Variants in ADGRV1 observed in about 807,000 individuals in gnomAD.
The protein encoded by ADGRV1 is adhesion G protein-coupled receptor V1.
In ADGRV1, 359 loss-of-function variants were observed where a neutral mutation model predicts 596.2. That is an observed-to-expected ratio of 0.60 (90% CI 0.55 to 0.66). The LOEUF is 0.66. Among genes scored for constraint, ADGRV1 ranks in the 30% least tolerant of loss-of-function variants. The pLI is 0.00. For synonymous variants in ADGRV1, 2,681 were observed against 2,679.2 expected, an observed-to-expected ratio of 1.00 and a Z score of -0.02; for missense variants, 7,274 against 7,575.6, an observed-to-expected ratio of 0.96 and a Z score of 1.48.
chr5:90,926,241 G>A (rs1003931044), intron 83 of ADGRV1, among the ~76,000 whole-genome samples: 193 of 152,156 alleles, frequency 1.3e-3, no homozygotes, highest in African/African-American at 4.5e-3. Flanking sequence ...GGTAGAATTC[G>A]TCTGTGAATC....
At chr5:90,763,660 A>T (rs952743820) in intron 59 of ADGRV1, among the ~76,000 whole-genome samples, 191 bp downstream of exon 59, 1 of 152,142 alleles carries the variant, frequency 6.6e-6, no homozygotes, top group Non-Finnish European at 1.5e-5. Context: ...GTAGTTTTTC[A>T]ACCCACACCC....
In ADGRV1 at chr5:90,811,193, A is replaced by G. The variant is rs1201849543; in HGVS notation, c.15933A>G (p.Lys5311=). 4 of 1,613,548 alleles carry G rather than the reference A, an allele frequency of 2.5e-6. No individual in the cohort carries two copies. Among genetic ancestry groups the G allele is most frequent in the Non-Finnish European group, 3.4e-6 (4 of 1,179,720 alleles). ...LIFLDGERER[K]VSVQILDDDE... Reference sequence around the variant, plus strand: ...TCCTAGATGGAGAAAGAGAACGTAAAGTATCAGTTCAAATTTTGGATGATG... The same window carrying G: ...TCCTAGATGGAGAAAGAGAACGTAAGGTATCAGTTCAAATTTTGGATGATG... The change falls in exon 74 of 90, where the codon AAA becomes AAG. Residue 5311 remains lysine (K), a synonymous_variant. Transcript: ENST00000405460.
chr5:90,828,986 G>A lies in ADGRV1; in HGVS notation c.16411G>A (p.Ala5471Thr), dbSNP rs767923665. The A allele has an allele frequency of 4.4e-6, 7 of 1,604,470 alleles. No individual in the cohort carries two copies. The highest frequency in any genetic ancestry group is 4.3e-6 in the Non-Finnish European group (5 of 1,174,080). Residue 5471 changes from alanine to threonine, a missense_variant, in exon 77 of 90, where the codon GCT (alanine) becomes ACT (threonine). By Grantham distance (58) the Ala-to-Thr change is moderately conservative (BLOSUM62 0). Around this residue, in one of 5 missense-constraint regions of ADGRV1, gnomAD observed 1,874 missense variants for 1,970.2 expected, o/e 0.95. Transcript: ENST00000405460. ...EVYFFVELYE[A>T]TAGAAINNSA... ...GTATTTTTTTGTGGAACTATATGAA[G>A]CTACTGCTGGAGCAGCAATAAACAA...
At chr5:90,694,922 A>G (rs2149647077) in intron 33 of ADGRV1, among the ~76,000 whole-genome samples, 1 of 152,340 alleles carries the variant, frequency 6.6e-6, no homozygotes, top group Middle Eastern at 3.4e-3. Flanking sequence ...AGTTTAAAAA[A>G]TAGATTTTCC....
chr5:90,701,303 A>G (rs1282447779), intron 34 of ADGRV1, among the ~76,000 whole-genome samples: 1 of 151,990 alleles, frequency 6.6e-6, no homozygotes, highest in Admixed American at 6.6e-5. Context: ...CTTATTTTTA[A>G]GTTTTTCATT....
intron 83 of ADGRV1, among the ~76,000 whole-genome samples, chr5:90,901,467 C>T (rs1771833986): frequency 6.6e-6 from 1 of 152,130 alleles, no homozygotes; most frequent in Non-Finnish European, 1.5e-5. Context: ...GCCCCTAAAC[C>T]TTTGTACCCA....
intron 4 of ADGRV1, among the ~76,000 whole-genome samples, chr5:90,619,577 A>T (rs182990045): frequency 6.6e-6 from 1 of 152,230 alleles, no homozygotes. Flanking sequence ...GAGAAAGCAT[A>T]TTGAAAGAAT....
chr5:90,985,608 C>T, intron 85 of ADGRV1, 86 bp downstream of exon 85: 1 of 939,030 alleles, frequency 1.1e-6, no homozygotes, highest in Non-Finnish European at 1.7e-6. Context: ...TGAATAAGTA[C>T]CAGGAAGATC....
intron 77 of ADGRV1, among the ~76,000 whole-genome samples, chr5:90,840,090 C>T (rs1765300954): frequency 6.6e-6 from 1 of 152,202 alleles, no homozygotes; most frequent in Non-Finnish European, 1.5e-5. Context: ...CAGGACCCTA[C>T]TCCTTAGGAT....
chr5:90,677,339 A>G (rs552359995), intron 25 of ADGRV1, among the ~76,000 whole-genome samples: 1 of 152,302 alleles, frequency 6.6e-6, no homozygotes, highest in South Asian at 2.1e-4. Flanking sequence ...GTTTGGGAGC[A>G]GGGAAGTGGT....
chr5:90,587,403 G>A (rs1482717710), intron 1 of ADGRV1, among the ~76,000 whole-genome samples: 2 of 151,996 alleles, frequency 1.3e-5, no homozygotes, highest in African/African-American at 2.4e-5. Context: ...TCATTACTTG[G>A]AAGTCTTTTT....
At position 90,670,929 on chromosome 5, in the gene ADGRV1, C is replaced by T. The variant is rs182477787; in HGVS notation, c.4753-1617C>T. 1.5e-4 allele frequency among the ~76,000 whole-genome samples: 23 copies of T among 152,272 alleles called. No homozygotes were observed. In the East Asian group the frequency reaches 3.7e-3, roughly 24 times the overall value. ...AAGGCATAAAGAATGCCAGCTTTAACCACATGGAGACCCGCATCACACGGC... is the reference window on the plus strand; with the variant it reads ...AAGGCATAAAGAATGCCAGCTTTAATCACATGGAGACCCGCATCACACGGC... On this transcript the variant is annotated intron_variant, in intron 21 of 89. Transcript: ENST00000405460.
chr5:90,670,508 A>C (rs1472613990), intron 21 of ADGRV1, among the ~76,000 whole-genome samples: 1 of 152,246 alleles, frequency 6.6e-6, no homozygotes, highest in African/African-American at 2.4e-5. Context: ...ATAGATTGCC[A>C]GGAGTTAACA....
chr5:90,716,356 A>G, intron 42 of ADGRV1, 111 bp from the exon 43 acceptor site: 1 of 652,726 alleles, frequency 1.5e-6, no homozygotes, highest in Non-Finnish European at 2.5e-6. Flanking sequence ...TCTTAAGACA[A>G]TCACCTTAGG....
chr5:90,792,568 T>A (rs1307497543), intron 70 of ADGRV1: 1 of 152,124 alleles, frequency 6.6e-6, no homozygotes, highest in Non-Finnish European at 1.5e-5. Context: ...AGTGAAATGA[T>A]GTACAATGTA....
intron 87 of ADGRV1, among the ~76,000 whole-genome samples, chr5:91,130,471 G>A (rs1217176392): frequency 4.5e-5 from 6 of 133,744 alleles, no homozygotes; most frequent in Admixed American, 1.8e-4. Context: ...GCAGTGAGCC[G>A]AGATTGTGCC....
At chr5:90,939,003 A>G (rs779698284) in intron 83 of ADGRV1, among the ~76,000 whole-genome samples, 1 of 152,202 alleles carries the variant, frequency 6.6e-6, no homozygotes, top group African/African-American at 2.4e-5. Flanking sequence ...GTGGAAGACT[A>G]TCAGTTATTC....
chr5:90,909,842 T>C (rs1255635812), intron 83 of ADGRV1, among the ~76,000 whole-genome samples: 1 of 152,108 alleles, frequency 6.6e-6, no homozygotes, highest in African/African-American at 2.4e-5. Context: ...AGTTTTTTTC[T>C]AAGAAATACA....
chr5:91,023,931 G>A (rs1276378783), intron 85 of ADGRV1, among the ~76,000 whole-genome samples: 1 of 151,838 alleles, frequency 6.6e-6, no homozygotes, highest in African/African-American at 2.4e-5. Context: ...TCATCTTTTC[G>A]TGTTTTTCAT....
Sources: allele counts gnomAD v4.1 joint callset (sites outside exome capture counted in the v4.1 genomes callset), GRCh38; gene constraint gnomAD v4.1.1; regional missense constraint gnomAD v4.1.1; transcripts MANE v1.5; gene names NCBI Gene and HGNC (gene_info 2026-07-23, HGNC 2026-07-21).